The following AFF1 variants were observed in gnomAD, a reference collection of about 807,000 sequenced individuals.
The protein encoded by AFF1 is AF4/FMR2 family member 1.
In AFF1, 48 loss-of-function variants were observed where a neutral mutation model predicts 121.7. The ratio of observed to expected loss-of-function variants is 0.39; its 90% CI spans 0.31 to 0.50. The LOEUF (loss-of-function observed/expected upper bound fraction) is 0.50. Ranked by LOEUF, AFF1 falls within the 20% of genes least tolerant of loss-of-function variation. The probability of loss-of-function intolerance (pLI) is 0.76; values close to 1 mark genes in which losing one functional copy is unlikely to be tolerated. For missense variants in AFF1, 1,523 were observed against 1,511.7 expected (o/e 1.01, Z -0.12); for synonymous variants, 613 against 563.0 (o/e 1.09, Z -1.26).
chr4:86,968,060 G>GGA, intron 2 of AFF1, among the ~76,000 whole-genome samples: 1 of 152,266 alleles, frequency 6.6e-6, no homozygotes, highest in Middle Eastern at 3.4e-3. Context: ...ACAAAACCCA[G>GGA]GAGAGTGCTC....
chr4:87,053,570 C>A (rs942080164), intron 4 of AFF1, among the ~76,000 whole-genome samples: 1 of 152,174 alleles, frequency 6.6e-6, no homozygotes, highest in Admixed American at 6.5e-5. Context: ...CTGGATATGC[C>A]GATGGTGCAC....
At chr4:87,055,827 TTTA>T (rs1384773116) in intron 4 of AFF1, among the ~76,000 whole-genome samples, 2 of 152,204 alleles carry the variant, frequency 1.3e-5, no homozygotes, top group African/African-American at 4.8e-5. Flanking sequence ...AACATAATAA[TTTA>T]TTTTTTGGTC....
At chr4:86,995,566 G>A (rs1174367991) in intron 2 of AFF1, among the ~76,000 whole-genome samples, 1 of 151,906 alleles carries the variant, frequency 6.6e-6, no homozygotes, top group Non-Finnish European at 1.5e-5. Context: ...CGCCAGCCTC[G>A]GCCTCCCGAG....
At position 87,046,722 on chromosome 4, in the gene AFF1, C is replaced by T. The variant is rs780728413; in HGVS notation, c.187C>T (p.Arg63Ter). 5.0e-6 allele frequency: 8 copies of T among 1,613,664 alleles called. No homozygotes were observed. The highest frequency in any genetic ancestry group is 5.1e-6 in the Non-Finnish European group (6 of 1,179,806). Residue 63 changes from arginine (R) to a stop codon, truncating the protein, a stop_gained, in exon 4 of 21, where the codon CGA becomes TGA. Coordinates refer to ENST00000395146, the MANE Select transcript of AFF1 (RefSeq NM_001166693.3). LOFTEE classifies it high-confidence loss of function. ...AGCAAAAGGTGATGAGCTGTCTAGT[C>T]GAATACAGAACATGTTGGGAAACTA... ...KTAKGDELSS[R>*]IQNMLGNYEE...
At chr4:86,978,177 C>CTTGTTTTTTTTTTTTTTTTTTT (rs1723451642) in intron 2 of AFF1, among the ~76,000 whole-genome samples, 2 of 39,324 alleles carry the variant, frequency 5.1e-5, no homozygotes, top group Non-Finnish European at 9.1e-5. Context: ...ATTACATTCA[C>CTTGTTTTTTTTTTTTTTTTTTT]TTTTTTTTTT....
chr4:87,098,798 G>C (rs1376190467), intron 8 of AFF1, among the ~76,000 whole-genome samples: 1 of 152,176 alleles, frequency 6.6e-6, no homozygotes, highest in Non-Finnish European at 1.5e-5. Flanking sequence ...TGAAGTGAGG[G>C]AGATATCTGG....
intron 4 of AFF1, among the ~76,000 whole-genome samples, chr4:87,077,136 AAGG>A (rs1360345293): frequency 6.6e-6 from 1 of 152,246 alleles, no homozygotes; most frequent in Non-Finnish European, 1.5e-5. Context: ...GACTAACAAA[AAGG>A]AGAGCGAGAA....
At chr4:87,057,901 G>A (rs766059666) in intron 4 of AFF1, among the ~76,000 whole-genome samples, 14 of 138,324 alleles carry the variant, frequency 1.0e-4, no homozygotes, top group Non-Finnish European at 2.2e-4. Flanking sequence ...ACATCCCCCC[G>A]CCCACCATCC....
At chr4:87,031,352 AC>A (rs983497016) in intron 2 of AFF1, among the ~76,000 whole-genome samples, 7 of 151,254 alleles carry the variant, frequency 4.6e-5, no homozygotes, top group African/African-American at 1.5e-4. Flanking sequence ...TAATTAAATC[AC>A]CCCAGGCTCC....
chr4:87,103,822 A>G (rs1725655905), intron 8 of AFF1, among the ~76,000 whole-genome samples: 1 of 152,260 alleles, frequency 6.6e-6, no homozygotes, highest in African/African-American at 2.4e-5. Flanking sequence ...TTGATGTTAC[A>G]GGAATTAAGG....
chr4:86,970,745 G>T (rs375181044), intron 2 of AFF1, among the ~76,000 whole-genome samples: 1 of 152,208 alleles, frequency 6.6e-6, no homozygotes, highest in African/African-American at 2.4e-5. Context: ...GGTTATGTTC[G>T]AGCAGAGACC....
intron 1 of AFF1, chr4:86,935,546 C>G (rs1422520440): frequency 6.6e-6 from 1 of 152,352 alleles, no homozygotes; most frequent in African/African-American, 2.4e-5. Context: ...CAGACGTTTG[C>G]CTGTGCACCC....
intron 19 of AFF1, among the ~76,000 whole-genome samples, chr4:87,133,962 G>GT (rs1729079268): frequency 6.6e-6 from 1 of 152,204 alleles, no homozygotes; most frequent in South Asian, 2.1e-4. Flanking sequence ...CTAAGTGCTA[G>GT]TAATGCAAAA....
At chr4:87,077,696 T>C (rs893885395) in intron 4 of AFF1, among the ~76,000 whole-genome samples, 6 of 152,240 alleles carry the variant, frequency 3.9e-5, no homozygotes, top group African/African-American at 1.4e-4. Flanking sequence ...TTTCTTCTCA[T>C]TGATACTTTC....
chr4:86,987,055 G>T (rs1216143609), intron 2 of AFF1, among the ~76,000 whole-genome samples: 1 of 151,942 alleles, frequency 6.6e-6, no homozygotes, highest in African/African-American at 2.4e-5. Flanking sequence ...ATGTTGCCCA[G>T]GCTGGTCTCA....
At chr4:87,127,166 T>TCCCCCCCCCCC (rs367995603) in intron 15 of AFF1, 49 bp downstream of exon 15, 1 of 1,012,590 alleles carries the variant, frequency 9.9e-7, no homozygotes, top group Non-Finnish European at 1.4e-6. Flanking sequence ...TTGTTTTGCT[T>TCCCCCCCCCCC]CCCCCCCCCA....
intron 2 of AFF1, among the ~76,000 whole-genome samples, chr4:86,953,017 C>T (rs1578838020): frequency 7.3e-6 from 1 of 136,946 alleles, no homozygotes; most frequent in South Asian, 2.5e-4. Context: ...TGAGCCATGG[C>T]GCCCAGCAAA....
At chr4:87,128,637 C>T (rs1281012514) in intron 16 of AFF1, among the ~76,000 whole-genome samples, 2 of 152,184 alleles carry the variant, frequency 1.3e-5, no homozygotes, top group South Asian at 2.1e-4. Flanking sequence ...TGGCCCAGCC[C>T]GCAAGATCCT....
chr4:86,969,819 G>A (rs1053397193), intron 2 of AFF1, among the ~76,000 whole-genome samples: 10 of 135,412 alleles, frequency 7.4e-5, no homozygotes, highest in African/African-American at 2.4e-4. Context: ...GGCGGAGCTT[G>A]CAGTGAGCCG....
Sources: allele counts gnomAD v4.1 joint callset (sites outside exome capture counted in the v4.1 genomes callset), GRCh38; gene constraint gnomAD v4.1.1; transcripts MANE v1.5; gene names NCBI Gene and HGNC (gene_info 2026-07-23, HGNC 2026-07-21).